Variants in SLC24A2 observed in about 807,000 individuals in gnomAD.
SLC24A2 encodes the protein solute carrier family 24 member 2, also known as sodium/potassium/calcium exchanger 2.
Under a neutral mutation model 62.0 loss-of-function variants are expected in SLC24A2, and 36 were observed. The ratio of observed to expected loss-of-function variants is 0.58; its 90% CI spans 0.44 to 0.77. The LOEUF (loss-of-function observed/expected upper bound fraction) is 0.77, where lower values mean the gene tolerates loss of function less well. Among genes scored for constraint, SLC24A2 ranks in the 30% least tolerant of loss-of-function variants. SLC24A2 has a pLI of 0.00. For synonymous variants in SLC24A2, 358 were observed against 294.0 expected, an observed-to-expected ratio of 1.22 and a Z score of -2.23; for missense variants, 846 against 817.9, an observed-to-expected ratio of 1.03 and a Z score of -0.42.
Position 19,545,573 on chromosome 9 carries a change from G to T in SLC24A2, c.1479+4564C>A, listed in dbSNP as rs142605740. 8.5e-3 allele frequency among the ~76,000 whole-genome samples: 1,287 copies of T among 151,902 alleles called. 5 individuals carry two copies. Among genetic ancestry groups the T allele is most frequent in the Middle Eastern group, 0.01 (3 of 294 alleles). On this transcript the variant is annotated intron_variant, in intron 8 of 10. Transcript: ENST00000341998. ...CATCTTAGTGAATTTATCTACCGTC[G>T]GTCTTTGTAGTCAGTGACCTTCGGA...
At chr9:19,872,753 A>T in the SLC24A2 span, among the ~76,000 whole-genome samples, 64 of 152,162 alleles carry the variant, frequency 4.2e-4, no homozygotes, top group Non-Finnish European at 6.2e-4. Context: ...TGGAAACTTC[A>T]AGTGGAAGGG....
the SLC24A2 span, among the ~76,000 whole-genome samples, chr9:19,806,379 C>G: frequency 3.9e-5 from 6 of 152,078 alleles, no homozygotes; most frequent in African/African-American, 1.4e-4. Context: ...TTGGGAAGCA[C>G]AGATTTCAAA....
chr9:19,884,883 G>T, the SLC24A2 span, among the ~76,000 whole-genome samples: 2 of 152,086 alleles, frequency 1.3e-5, no homozygotes, highest in African/African-American at 4.8e-5. Context: ...GTAGGTTAGG[G>T]GTATTAAATA....
chr9:20,250,666 C>A, the SLC24A2 span, among the ~76,000 whole-genome samples: 1 of 146,432 alleles, frequency 6.8e-6, no homozygotes, highest in Non-Finnish European at 1.5e-5. Context: ...TAAGGAACAG[C>A]CAATTCACCT....
chr9:19,838,961 G>C, the SLC24A2 span, among the ~76,000 whole-genome samples: 1 of 152,034 alleles, frequency 6.6e-6, no homozygotes, highest in Non-Finnish European at 1.5e-5. Context: ...GCAACCTACA[G>C]AATGGGAGAA....
intron 2 of SLC24A2, among the ~76,000 whole-genome samples, chr9:19,772,121 G>C (rs371022248): frequency 6.6e-6 from 1 of 152,152 alleles, no homozygotes; most frequent in Non-Finnish European, 1.5e-5. Context: ...GAAGAATCAG[G>C]AGCAGGCAAA....
At chr9:19,955,327 T>A in the SLC24A2 span, among the ~76,000 whole-genome samples, 2 of 151,136 alleles carry the variant, frequency 1.3e-5, no homozygotes, top group African/African-American at 4.8e-5. Flanking sequence ...TTACAGGTAG[T>A]AAATATGGTA....
intron 2 of SLC24A2, among the ~76,000 whole-genome samples, chr9:19,687,513 C>T (rs989911646): frequency 2.0e-5 from 3 of 152,086 alleles, no homozygotes; most frequent in Non-Finnish European, 4.4e-5. Flanking sequence ...ATAGCTATGA[C>T]GGAAAATGTT....
chr9:20,244,863 T>A, the SLC24A2 span, among the ~76,000 whole-genome samples: 7 of 152,180 alleles, frequency 4.6e-5, no homozygotes, highest in East Asian at 7.7e-4. Flanking sequence ...TCTCTTATTT[T>A]AAAAAAAATC....
At chr9:20,306,664 A>T in the SLC24A2 span, among the ~76,000 whole-genome samples, 1 of 151,548 alleles carries the variant, frequency 6.6e-6, no homozygotes, top group Non-Finnish European at 1.5e-5. Context: ...TCACAGCTAC[A>T]CCCCTTTACA....
the SLC24A2 span, among the ~76,000 whole-genome samples, chr9:20,280,598 T>G: frequency 6.6e-6 from 1 of 152,062 alleles, no homozygotes; most frequent in African/African-American, 2.4e-5. Flanking sequence ...GGGTTTATGG[T>G]TTCGTTTTTG....
At chr9:19,896,266 G>A in the SLC24A2 span, among the ~76,000 whole-genome samples, 1 of 152,246 alleles carries the variant, frequency 6.6e-6, no homozygotes, top group East Asian at 1.9e-4. Flanking sequence ...AGGATGTACA[G>A]CAATCTGTTG....
chr9:19,691,852 G>A (rs972780778), intron 2 of SLC24A2, among the ~76,000 whole-genome samples: 1 of 152,106 alleles, frequency 6.6e-6, no homozygotes, highest in African/African-American at 2.4e-5. Context: ...CCCTTGAGAT[G>A]CTGATATTGT....
chr9:19,707,127 C>G (rs1820553612), intron 2 of SLC24A2, among the ~76,000 whole-genome samples: 2 of 151,446 alleles, frequency 1.3e-5, no homozygotes, highest in Admixed American at 1.3e-4. Context: ...ACTACAAACA[C>G]CTCTATGCAA....
intron 2 of SLC24A2, among the ~76,000 whole-genome samples, chr9:19,739,942 T>C (rs998956627): frequency 4.6e-5 from 7 of 152,120 alleles, no homozygotes; most frequent in Non-Finnish European, 7.4e-5. Context: ...CCAGAATATA[T>C]AAAGAACTCC....
At chr9:19,853,297 AT>A in the SLC24A2 span, among the ~76,000 whole-genome samples, 4 of 152,116 alleles carry the variant, frequency 2.6e-5, no homozygotes, top group South Asian at 2.1e-4. Context: ...AATACCCTTT[AT>A]TTTTTTCTCT....
At chr9:19,623,793 C>A (rs890807444) in intron 2 of SLC24A2, among the ~76,000 whole-genome samples, 10 of 152,080 alleles carry the variant, frequency 6.6e-5, no homozygotes, top group African/African-American at 2.2e-4. Flanking sequence ...TTTTTTTCCC[C>A]CTTCTGGTTC....
the SLC24A2 span, among the ~76,000 whole-genome samples, chr9:19,914,957 G>T: frequency 2.4e-4 from 37 of 152,070 alleles, no homozygotes; most frequent in African/African-American, 8.7e-4. Context: ...AAAAAAGATT[G>T]ATATAAAAGT....
chr9:20,182,124 A>G, the SLC24A2 span, among the ~76,000 whole-genome samples: 1 of 152,184 alleles, frequency 6.6e-6, no homozygotes, highest in Non-Finnish European at 1.5e-5. Context: ...AAAGTCAGGA[A>G]ACAACAGATG....
Sources: gnomAD v4.1 joint callset for allele counts (sites outside exome capture counted in the v4.1 genomes callset) on GRCh38, gnomAD v4.1.1 for gene constraint, MANE v1.5 for transcripts, NCBI Gene and HGNC (gene_info 2026-07-23, HGNC 2026-07-21) for gene names.